Variants in COPS7B observed in about 807,000 individuals in gnomAD.
COPS7B encodes the protein COP9 signalosome subunit 7B.
Under a neutral mutation model 33.4 loss-of-function variants are expected in COPS7B, and 9 were observed. The ratio of observed to expected loss-of-function variants is 0.27; its 90% CI spans 0.16 to 0.47. The LOEUF (loss-of-function observed/expected upper bound fraction) is 0.47. COPS7B is among the 20% of genes least tolerant of loss of function. The pLI is 0.99. For synonymous variants in COPS7B, 119 were observed against 126.3 expected, an observed-to-expected ratio of 0.94 and a Z score of 0.39; for missense variants, 242 against 318.2, an observed-to-expected ratio of 0.76 and a Z score of 1.82.
chr2:231,807,546 G>C lies in COPS7B; in HGVS notation c.696G>C (p.Glu232Asp), dbSNP rs2049931380. The C allele has an allele frequency of 6.2e-7, 1 of 1,613,226 alleles. No homozygotes were observed. The highest frequency in any genetic ancestry group is 1.1e-5 in the South Asian group (1 of 90,808). ...CATCCTCCTCGGCTCAGGAGATGGA[G>C]CAGCAGCTGGCTGAACGGGAGTGTC... ...ATASSSAQEMEQQLAERECPP... is the reference protein window; with the variant it reads ...ATASSSAQEMDQQLAERECPP... Residue 232 changes from glutamate to aspartate, a missense_variant, in exon 7 of 7, where the codon GAG (glutamate) becomes GAC (aspartate). Glu to Asp is a conservative substitution (Grantham distance 45). Transcript: ENST00000350033.
At chr2:231,799,005 AC>A (rs1483600697) in intron 6 of COPS7B, 41 bp downstream of exon 6, 7 of 1,538,702 alleles carry the variant, frequency 4.5e-6, no homozygotes, top group Non-Finnish European at 6.3e-6. Flanking sequence ...CTCCAGGCAT[AC>A]CTGTTTATTC....
intron 6 of COPS7B, among the ~76,000 whole-genome samples, chr2:231,802,002 G>C (rs1413791904): frequency 1.3e-5 from 2 of 151,938 alleles, no homozygotes; most frequent in Non-Finnish European, 2.9e-5. Context: ...CTCCACCTCC[G>C]GACCTCAAGT....
chr2:231,806,277 T>G (rs2106348488), intron 6 of COPS7B, among the ~76,000 whole-genome samples: 2 of 152,190 alleles, frequency 1.3e-5, no homozygotes, highest in East Asian at 3.9e-4. Flanking sequence ...TGGCTGGGTG[T>G]GGTGGCTCAT....
At chr2:231,794,648 A>G (rs148366245) in intron 4 of COPS7B, among the ~76,000 whole-genome samples, 7 of 152,228 alleles carry the variant, frequency 4.6e-5, no homozygotes, top group African/African-American at 1.7e-4. Flanking sequence ...ACATTTTTCA[A>G]ATAGCAAGGC....
At chr2:231,804,457 C>A (rs2049836204) in intron 6 of COPS7B, among the ~76,000 whole-genome samples, 1 of 152,104 alleles carries the variant, frequency 6.6e-6, no homozygotes, top group Non-Finnish European at 1.5e-5. Flanking sequence ...CCGCGTTAGC[C>A]AGGATGGTCT....
chr2:231,792,123 G>T (rs1157219647), intron 3 of COPS7B: 2 of 542,140 alleles, frequency 3.7e-6, no homozygotes, highest in Non-Finnish European at 7.2e-6. Flanking sequence ...CCCACCTGTA[G>T]AATGTTTCAA....
chr2:231,788,740 C>T lies in COPS7B; in HGVS notation c.162+8C>T, dbSNP rs369296074. The T allele has an allele frequency of 5.6e-6, 9 of 1,607,838 alleles. No individual in the cohort carries two copies. Among genetic ancestry groups the T allele is most frequent in the Non-Finnish European group, 6.8e-6 (8 of 1,178,076 alleles). The stretch of plus-strand genomic sequence containing the variant: ...CTGGCCAACGTGCAGGAGGTAAGAA[C>T]GGTTTGCAAACAATTTCTCTTTATT... On this transcript the variant is annotated splice_region_variant and intron_variant, in intron 2 of 6. Coordinates refer to ENST00000350033, the MANE Select transcript of COPS7B (RefSeq NM_022730.4).
chr2:231,794,377 T>G, intron 4 of COPS7B, 26 bp downstream of exon 4: 1 of 1,586,178 alleles, frequency 6.3e-7, no homozygotes, highest in South Asian at 1.1e-5. Flanking sequence ...TTCTCTTGTC[T>G]TCCTCCTTAC....
At position 231,798,802 on chromosome 2, in the gene COPS7B, C is replaced by A. The variant is rs895449631; in HGVS notation, c.531-57C>A. On this transcript the variant is annotated intron_variant, in intron 5 of 6. Transcript: ENST00000350033. Reference sequence around the variant, plus strand: ...GCTGTTGGGGAAGAATATTTCTGAGCCTGGAAGAGACTTCCCAGGCCATTC... The same window carrying A: ...GCTGTTGGGGAAGAATATTTCTGAGACTGGAAGAGACTTCCCAGGCCATTC... 19 of 1,415,844 alleles carry A rather than the reference C, an allele frequency of 1.3e-5. No individual in the cohort carries two copies. In the African/African-American group the frequency reaches 2.7e-4, roughly 20 times the overall value. The allele number at this position is 1,415,844 out of a possible 1,614,324, so 87.7% of individuals were successfully genotyped here. A position where few individuals can be genotyped will look rare whatever the true frequency, so the allele number is the denominator to read the frequency against.
intron 1 of COPS7B, 146 bp downstream of exon 1, chr2:231,786,684 C>G (rs946125955): frequency 4.6e-6 from 1 of 216,674 alleles, no homozygotes; most frequent in Non-Finnish European, 7.9e-6. Flanking sequence ...GCTCCTCACT[C>G]CACGCCTGCG....
chr2:231,803,826 G>A (rs556476316), intron 6 of COPS7B, among the ~76,000 whole-genome samples: 1 of 152,208 alleles, frequency 6.6e-6, no homozygotes, highest in Non-Finnish European at 1.5e-5. Context: ...AGAAGCATTG[G>A]AAGTGTTGAG....
At chr2:231,799,068 G>A (rs1005504547) in intron 6 of COPS7B, 104 bp downstream of exon 6, 4 of 1,011,904 alleles carry the variant, frequency 4.0e-6, no homozygotes, top group Admixed American at 4.1e-5. Context: ...GATGAAACAA[G>A]CAGTCACCAA....
intron 2 of COPS7B, 103 bp downstream of exon 2, chr2:231,788,835 C>T: frequency 9.2e-7 from 1 of 1,086,954 alleles, no homozygotes; most frequent in East Asian, 2.4e-5. Context: ...TGTGAGGTAC[C>T]CTATTGTGAG....
intron 6 of COPS7B, among the ~76,000 whole-genome samples, chr2:231,802,349 C>G (rs1022408357): frequency 6.6e-6 from 1 of 152,198 alleles, no homozygotes; most frequent in Non-Finnish European, 1.5e-5. Flanking sequence ...TAGCACTTTT[C>G]CAGTTGTGCA....
At chr2:231,789,348 A>C (rs2049343145) in intron 2 of COPS7B, 1 of 152,294 alleles carries the variant, frequency 6.6e-6, no homozygotes, top group African/African-American at 2.4e-5. Flanking sequence ...GATGTAAAGC[A>C]ATCTATACTT....
intron 4 of COPS7B, among the ~76,000 whole-genome samples, chr2:231,794,594 A>G (rs868137467): frequency 6.6e-6 from 1 of 152,224 alleles, no homozygotes. Context: ...CGCATGTGGC[A>G]TGATCATTTT....
rs75268909 is a variant in COPS7B at position 231,794,637 on chromosome 2, T to C, written c.327+286T>C. 1.3e-4 allele frequency among the ~76,000 whole-genome samples: 20 copies of C among 152,332 alleles called. No homozygotes were observed. The East Asian group carries it at 3.5e-3, about 26-fold the overall frequency. ...TAAGGGGAGACTGCTGTTAAAGATA[T>C]ACATTTTTCAAATAGCAAGGCATCT... On this transcript the variant is annotated intron_variant, in intron 4 of 6. Transcript: ENST00000350033.
intron 6 of COPS7B, among the ~76,000 whole-genome samples, chr2:231,802,056 T>C (rs2049766321): frequency 6.6e-6 from 1 of 152,214 alleles, no homozygotes; most frequent in African/African-American, 2.4e-5. Context: ...ATTACAGGCC[T>C]GAGCCACCGC....
At chr2:231,788,981 T>C (rs573493807) in intron 2 of COPS7B, 18 of 382,736 alleles carry the variant, frequency 4.7e-5, no homozygotes, top group Non-Finnish European at 8.0e-5. Flanking sequence ...AAAAGTCAAA[T>C]TGATCCTGAT....
Sources: allele counts gnomAD v4.1 joint callset (sites outside exome capture counted in the v4.1 genomes callset), GRCh38; gene constraint gnomAD v4.1.1; transcripts MANE v1.5; gene names NCBI Gene and HGNC (gene_info 2026-07-23, HGNC 2026-07-21).